The following IL20RB variants were observed in gnomAD, a reference collection of about 807,000 sequenced individuals.
IL20RB encodes interleukin 20 receptor subunit beta, also known as interleukin-20 receptor subunit beta.
IL20RB carries 21 observed loss-of-function variants against 33.3 expected under a neutral mutation model. The observed-to-expected ratio is 0.63, with a 90% CI of 0.45 to 0.91. The LOEUF (loss-of-function observed/expected upper bound fraction) is 0.91. Among genes scored for constraint, IL20RB ranks in the 40% least tolerant of loss-of-function variants. The pLI is 0.00. For synonymous variants in IL20RB, 147 were observed against 146.8 expected, an observed-to-expected ratio of 1.00 and a Z score of -0.01; for missense variants, 345 against 384.8, an observed-to-expected ratio of 0.90 and a Z score of 0.86.
Position 137,010,469 on chromosome 3 carries a change from GA to G in IL20RB, c.*250del. 1 of 427,290 alleles carries G rather than the reference GA, an allele frequency of 2.3e-6. No individual in the cohort carries two copies. Among genetic ancestry groups the G allele is most frequent in the Admixed American group, 3.8e-5 (1 of 26,044 alleles). 26.5% of individuals were successfully genotyped at this position (427,290 alleles called of 1,614,324 possible). On this transcript the variant is annotated 3_prime_UTR_variant, in exon 7 of 7. Coordinates refer to ENST00000329582, the MANE Select transcript of IL20RB (RefSeq NM_144717.4). The stretch of plus-strand genomic sequence containing the variant: ...CCACTTGCTGGCTGAGCAACCCTGG[GA>G]AAAGTGACTTCATCCCTTCGGTCCT...
intron 6 of IL20RB, among the ~76,000 whole-genome samples, chr3:136,996,070 C>A (rs911828518): frequency 6.6e-6 from 1 of 152,114 alleles, no homozygotes; most frequent in African/African-American, 2.4e-5. Flanking sequence ...GGGACAGCAA[C>A]CTGGACCTTG....
chr3:136,983,028 C>G (rs553800639), intron 3 of IL20RB, among the ~76,000 whole-genome samples: 1 of 151,340 alleles, frequency 6.6e-6, no homozygotes. Context: ...GGCTTTGACA[C>G]GAAGCTTGAC....
chr3:136,980,334 G>A (rs1437105855), intron 1 of IL20RB, 132 bp from the exon 2 acceptor site: 1 of 953,856 alleles, frequency 1.0e-6, no homozygotes, highest in Admixed American at 1.7e-5. Flanking sequence ...TGTCTAGGCT[G>A]GAGTGCAGTG....
At chr3:136,999,684 C>A (rs1358328061) in intron 6 of IL20RB, among the ~76,000 whole-genome samples, 2 of 151,718 alleles carry the variant, frequency 1.3e-5, no homozygotes, top group African/African-American at 4.8e-5. Flanking sequence ...ACTTCTTTTC[C>A]TCTTCTTTAT....
chr3:136,967,163 T>G (rs1941373904), intron 1 of IL20RB, among the ~76,000 whole-genome samples: 1 of 149,746 alleles, frequency 6.7e-6, no homozygotes, highest in Non-Finnish European at 1.5e-5. Context: ...CTGAAAAAAA[T>G]GTATATTCTG....
At chr3:136,985,323 GTCTC>G (rs543879364) in intron 3 of IL20RB, among the ~76,000 whole-genome samples, 4 of 140,272 alleles carry the variant, frequency 2.9e-5, no homozygotes, top group South Asian at 2.3e-4. Context: ...GATCCCTACT[GTCTC>G]TCTCTCTCTC....
At chr3:137,000,828 A>G (rs746991126) in intron 6 of IL20RB, among the ~76,000 whole-genome samples, 1 of 152,180 alleles carries the variant, frequency 6.6e-6, no homozygotes, top group Admixed American at 6.5e-5. Context: ...TCTGCTGCCC[A>G]TGCTTACTCT....
rs370892476 is a variant in IL20RB at position 136,987,146 on chromosome 3, TCGGGCAG to T, written c.407-2293_407-2287del. ...ACCCGAGCGGGTTGCCACTGCTGGC[TCGGGCAG>T]CCTGCTTTTATTCTCTTATCTGGCC... On this transcript the variant is annotated intron_variant, in intron 3 of 6. Transcript: ENST00000329582. Among the ~76,000 whole-genome samples, 188 of 152,238 alleles carry T rather than the reference TCGGGCAG, an allele frequency of 1.2e-3. 5 individuals carry two copies. In the East Asian group the frequency reaches 0.029, roughly 23 times the overall value.
chr3:136,984,215 C>A (rs1336919458), intron 3 of IL20RB, among the ~76,000 whole-genome samples: 3 of 152,124 alleles, frequency 2.0e-5, no homozygotes, highest in African/African-American at 7.2e-5. Flanking sequence ...AAAGAGAGGA[C>A]AAGGTCCTGG....
chr3:137,001,634 A>G (rs1942244196), intron 6 of IL20RB, among the ~76,000 whole-genome samples: 2 of 152,230 alleles, frequency 1.3e-5, no homozygotes, highest in African/African-American at 2.4e-5. Context: ...AAAAGGGTCT[A>G]CTGAGTTTGT....
intron 6 of IL20RB, among the ~76,000 whole-genome samples, chr3:137,008,999 C>T (rs974067233): frequency 6.6e-6 from 1 of 152,190 alleles, no homozygotes; most frequent in Non-Finnish European, 1.5e-5. Flanking sequence ...AATCTGACTG[C>T]ACCAGCAGCA....
chr3:136,976,682 G>A (rs901874293), intron 1 of IL20RB, among the ~76,000 whole-genome samples: 1 of 152,218 alleles, frequency 6.6e-6, no homozygotes, highest in African/African-American at 2.4e-5. Flanking sequence ...TTGTGCCCCA[G>A]TCTCAGCAGC....
Position 136,995,617 on chromosome 3 carries a change from A to G in IL20RB, c.825+61A>G, listed in dbSNP as rs374910156. 1.2e-4 allele frequency: 184 copies of G among 1,528,066 alleles called. 2 individuals carry two copies. In the South Asian group the frequency reaches 2.1e-3, roughly 17 times the overall value. The allele number at this position is 1,528,066 out of a possible 1,614,324, so 94.7% of individuals were successfully genotyped here. A position where few individuals can be genotyped will look rare whatever the true frequency, so the allele number is the denominator to read the frequency against. On this transcript the variant is annotated intron_variant, in intron 6 of 6. Transcript: ENST00000329582. ...ACTGACCAGATGTAGTTTGGGCCTTAGCTGGGCATGGGCACATGTTTCCAT... is the reference window on the plus strand; with the variant it reads ...ACTGACCAGATGTAGTTTGGGCCTTGGCTGGGCATGGGCACATGTTTCCAT...
At chr3:137,009,146 A>C (rs1162255800) in intron 6 of IL20RB, among the ~76,000 whole-genome samples, 1 of 152,196 alleles carries the variant, frequency 6.6e-6, no homozygotes. Flanking sequence ...ATGAAGGGAG[A>C]CTGGCTCAAT....
At position 136,970,684 on chromosome 3, in the gene IL20RB, G is replaced by A. The variant is rs112381153; in HGVS notation, c.89-9782G>A. On this transcript the variant is annotated intron_variant, in intron 1 of 6. Transcript: ENST00000329582. ...CTTCCTTTTTTTGAGATGGAGTCTCGCTCTGTCATCCAGGCTGGAGTGCAG... is the reference window on the plus strand; with the variant it reads ...CTTCCTTTTTTTGAGATGGAGTCTCACTCTGTCATCCAGGCTGGAGTGCAG... Among the ~76,000 whole-genome samples the A allele has an allele frequency of 7.8e-3, 1,119 of 144,238 alleles. 12 individuals are homozygous for A. The highest frequency in any genetic ancestry group is 0.028 in the African/African-American group (1,081 of 39,270). The allele number at this position is 144,238 out of a possible 152,430, so 94.6% of individuals were successfully genotyped here.
chr3:136,989,454 A>G lies in IL20RB; in HGVS notation c.420A>G (p.Arg140=). ...PFNRNSTILT[R]PGMEITKDGF... ...TCTTGCCAACAGCCATCCTTACCCG[A>G]CCTGGGATGGAGATCACCAAAGATG... is the stretch of plus-strand genomic sequence containing the variant. The change falls in exon 4 of 7, where the codon CGA becomes CGG. Residue 140 remains arginine (R), a synonymous_variant. Coordinates refer to ENST00000329582, the MANE Select transcript of IL20RB (RefSeq NM_144717.4). The G allele has an allele frequency of 6.2e-7, 1 of 1,613,762 alleles. No homozygotes were observed.
intron 2 of IL20RB, 58 bp from the exon 3 acceptor site, chr3:136,982,102 A>G (rs1185479325): frequency 7.7e-7 from 1 of 1,305,356 alleles, no homozygotes; most frequent in Non-Finnish European, 1.0e-6. Context: ...ACTTGCAACC[A>G]TAACTGAGCC....
Position 136,958,205 on chromosome 3 carries a change from A to G in IL20RB, c.88+4A>G. The G allele has an allele frequency of 6.4e-7, 1 of 1,571,756 alleles. No individual in the cohort carries two copies. On this transcript the variant is annotated splice_donor_region_variant and intron_variant, in intron 1 of 6. Coordinates refer to ENST00000329582, the MANE Select transcript of IL20RB (RefSeq NM_144717.4). ...TTGATTCCATGTTTGCTCACAGGTAAGTATGAATTAGAATACATCCAATAG... is the reference window on the plus strand; with the variant it reads ...TTGATTCCATGTTTGCTCACAGGTAGGTATGAATTAGAATACATCCAATAG...
chr3:137,000,028 A>G (rs528372355), intron 6 of IL20RB, among the ~76,000 whole-genome samples: 1 of 152,088 alleles, frequency 6.6e-6, no homozygotes, highest in South Asian at 2.1e-4. Flanking sequence ...TGTAGGTCAC[A>G]TTTTCCTATA....
Sources: allele counts gnomAD v4.1 joint callset (sites outside exome capture counted in the v4.1 genomes callset), GRCh38; gene constraint gnomAD v4.1.1; transcripts MANE v1.5; gene names NCBI Gene and HGNC (gene_info 2026-07-23, HGNC 2026-07-21).